Variants in CTBP2 observed in about 807,000 individuals in gnomAD.
CTBP2 encodes the protein C-terminal-binding protein 2.
A neutral mutation model predicts 80.3 loss-of-function variants in CTBP2; 30 were observed. The observed-to-expected ratio is 0.37, with a 90% CI of 0.28 to 0.51. The LOEUF (loss-of-function observed/expected upper bound fraction) is 0.51, where lower values mean the gene tolerates loss of function less well. Ranked by LOEUF, CTBP2 falls within the 20% of genes least tolerant of loss-of-function variation. CTBP2 has a pLI of 0.93. For synonymous variants in CTBP2, 594 were observed against 587.4 expected, an observed-to-expected ratio of 1.01 and a Z score of -0.16; for missense variants, 1,212 against 1,375.3, an observed-to-expected ratio of 0.88 and a Z score of 1.88.
chr10:125,121,037 T>C (rs1255271799), intron 1 of CTBP2, among the ~76,000 whole-genome samples: 1 of 152,254 alleles, frequency 6.6e-6, no homozygotes, highest in Non-Finnish European at 1.5e-5. Context: ...GTTCTGTAAC[T>C]GGTTTAGATG....
intron 2 of CTBP2, among the ~76,000 whole-genome samples, chr10:125,060,172 C>T (rs534841354): frequency 1.3e-5 from 2 of 152,302 alleles, no homozygotes; most frequent in African/African-American, 2.4e-5. Context: ...ACAAGCATTC[C>T]CCACAGCCAT....
chr10:125,064,966 G>A (rs979242302), intron 2 of CTBP2, among the ~76,000 whole-genome samples: 11 of 152,174 alleles, frequency 7.2e-5, no homozygotes, highest in African/African-American at 2.4e-4. Context: ...ACTGCTTAAC[G>A]AGCAGAGAAT....
intron 2 of CTBP2, 111 bp downstream of exon 4, chr10:125,003,227 G>A: frequency 1.3e-6 from 2 of 1,581,024 alleles, no homozygotes; most frequent in African/African-American, 1.4e-5. Context: ...AGGAAAGCAG[G>A]GAACAGGGGT....
At chr10:125,113,122 A>G (rs1852587955) in intron 1 of CTBP2, among the ~76,000 whole-genome samples, 1 of 152,170 alleles carries the variant, frequency 6.6e-6, no homozygotes, top group Admixed American at 6.5e-5. Context: ...TGTAACCCAC[A>G]CCTCTTAAGG....
At chr10:125,006,821 G>A (rs957771439) in intron 1 of CTBP2, among the ~76,000 whole-genome samples, 3 of 152,154 alleles carry the variant, frequency 2.0e-5, no homozygotes, top group Admixed American at 6.5e-5. Flanking sequence ...CGAGGAGAAA[G>A]CCCAAGGCGC....
intron 1 of CTBP2, among the ~76,000 whole-genome samples, chr10:125,019,989 A>G (rs767108945): frequency 5.9e-5 from 9 of 152,164 alleles, no homozygotes; most frequent in Non-Finnish European, 8.8e-5. Flanking sequence ...CCCAGGATGG[A>G]CACTGGACAC....
intron 1 of CTBP2, among the ~76,000 whole-genome samples, chr10:125,126,950 A>C (rs1463402030): frequency 5.1e-5 from 7 of 138,272 alleles, no homozygotes; most frequent in South Asian, 4.4e-4. Context: ...CTCTCTCTCT[A>C]CTCTACTCTG....
intron 4 of CTBP2, 46 bp downstream of exon 6, chr10:124,997,918 C>G (rs779096834): frequency 1.3e-6 from 2 of 1,573,784 alleles, no homozygotes; most frequent in Non-Finnish European, 1.7e-6. Context: ...CTACACCAGC[C>G]CCAGTGTCGG....
intron 4 of CTBP2, among the ~76,000 whole-genome samples, 182 bp from the exon 7 acceptor site, chr10:124,994,865 G>A (rs1953249453): frequency 2.0e-5 from 3 of 152,264 alleles, no homozygotes; most frequent in Admixed American, 1.3e-4. Context: ...GGCCACCATG[G>A]CCGGTGTAGG....
chr10:125,060,500 G>A (rs1964755531), intron 2 of CTBP2, among the ~76,000 whole-genome samples: 2 of 146,682 alleles, frequency 1.4e-5, no homozygotes, highest in African/African-American at 5.1e-5. Flanking sequence ...GTGTGTGTGT[G>A]TACATGTGTG....
At chr10:125,145,050 T>A (rs2133318811) in intron 1 of CTBP2, among the ~76,000 whole-genome samples, 1 of 152,330 alleles carries the variant, frequency 6.6e-6, no homozygotes, top group South Asian at 2.1e-4. Context: ...TGAGGATGAG[T>A]ACAGCAGAAA....
Position 125,026,761 on chromosome 10 carries a change from T to C in CTBP2, c.999A>G (p.Ala333=). ...GAACACGGGCCTGGCCCAGGTTGGG[T>C]GCGACAGACTTGATATCCGCGTCCT... Residue 333 remains alanine (A), a synonymous_variant, in exon 1 of 9, where the codon GCA becomes GCG. Transcript: ENST00000309035. 6.2e-7 allele frequency: 1 copy of C among 1,612,902 alleles called. No individual in the cohort carries two copies. The highest frequency in any genetic ancestry group is 1.1e-5 in the South Asian group (1 of 91,082).
At chr10:125,062,562 A>G (rs1304850037) in intron 2 of CTBP2, among the ~76,000 whole-genome samples, 1 of 146,044 alleles carries the variant, frequency 6.8e-6, no homozygotes, top group Non-Finnish European at 1.5e-5. Context: ...CGCTGCCATC[A>G]GTAATAAAAA....
At chr10:125,103,416 C>CA (rs1404389567) in intron 2 of CTBP2, among the ~76,000 whole-genome samples, 1 of 152,192 alleles carries the variant, frequency 6.6e-6, no homozygotes, top group East Asian at 1.9e-4. Flanking sequence ...AGTTCGTAGT[C>CA]AGAGTCCTGC....
intron 1 of CTBP2, among the ~76,000 whole-genome samples, chr10:125,146,576 C>T (rs1388941673): frequency 1.3e-5 from 2 of 152,348 alleles, no homozygotes; most frequent in Non-Finnish European, 2.9e-5. Flanking sequence ...AGCCACCCCA[C>T]CTGGCCTCCA....
intron 2 of CTBP2, among the ~76,000 whole-genome samples, chr10:125,093,874 A>T (rs1033803527): frequency 1.3e-5 from 2 of 152,184 alleles, no homozygotes; most frequent in Non-Finnish European, 2.9e-5. Context: ...TGTTTGATTC[A>T]ACTAAATCAT....
chr10:125,048,248 C>CA (rs1961759110), intron 2 of CTBP2, among the ~76,000 whole-genome samples: 1 of 152,146 alleles, frequency 6.6e-6, no homozygotes, highest in Non-Finnish European at 1.5e-5. Flanking sequence ...GCCCTTTGGC[C>CA]AGCAGAGGGC....
rs1286210190 is a variant in CTBP2, at chr10:124,984,536, C to A, written c.*4982G>T. 2 of 506,974 alleles carry A rather than the reference C, an allele frequency of 3.9e-6. No homozygotes were observed. The highest frequency in any genetic ancestry group is 3.5e-6 in the Non-Finnish European group (1 of 287,512). 31.4% of individuals were successfully genotyped at this position (506,974 alleles called of 1,614,324 possible). ...TTTATTTTATCTAACAAATTACCCT[C>A]TAGTGTGCTCCTCTTTAGTTTTTTT... On this transcript the variant is annotated 3_prime_UTR_variant, in exon 9 of 9. Transcript: ENST00000309035.
intron 1 of CTBP2, among the ~76,000 whole-genome samples, chr10:125,159,494 T>TGGC (rs941397445): frequency 2.0e-5 from 3 of 146,416 alleles, no homozygotes; most frequent in Non-Finnish European, 3.0e-5. Context: ...CGCGCGGCAG[T>TGGC]GGCGGCGGCG....
Sources: allele counts gnomAD v4.1 joint callset (sites outside exome capture counted in the v4.1 genomes callset), GRCh38; gene constraint gnomAD v4.1.1; transcripts MANE v1.5; gene names NCBI Gene and HGNC (gene_info 2026-07-23, HGNC 2026-07-21).